The following DPP6 variants were observed in gnomAD, a reference collection of about 807,000 sequenced individuals.
DPP6 encodes dipeptidyl peptidase like 6, also known as A-type potassium channel modulatory protein DPP6.
In DPP6, 69 loss-of-function variants were observed where a neutral mutation model predicts 122.6. The observed-to-expected ratio is 0.56, with a 90% CI of 0.46 to 0.69. DPP6 has a LOEUF of 0.69. DPP6 is among the 30% of genes least tolerant of loss of function. DPP6 has a pLI of 0.00. For missense variants in DPP6, 928 were observed against 1,116.9 expected (o/e 0.83, Z 2.41); for synonymous variants, 418 against 433.1 (o/e 0.97, Z 0.43).
the DPP6 span, among the ~76,000 whole-genome samples, chr7:153,829,561 A>ACTT: frequency 6.6e-6 from 1 of 152,188 alleles, no homozygotes; most frequent in Admixed American, 6.5e-5. Flanking sequence ...TTGGCACTTT[A>ACTT]AGATTTCTGT....
At chr7:154,632,416 TTTGA>T (rs1185145151) in intron 5 of DPP6, among the ~76,000 whole-genome samples, 2 of 152,098 alleles carry the variant, frequency 1.3e-5, no homozygotes, top group Admixed American at 6.6e-5. Context: ...TTGGGCGCTA[TTTGA>T]TTGAATTGGA....
At chr7:153,932,397 A>C (rs1345652944) in intron 1 of DPP6, among the ~76,000 whole-genome samples, 3 of 152,134 alleles carry the variant, frequency 2.0e-5, no homozygotes. Context: ...TGCTGGGATT[A>C]CAGGTGTAGG....
Position 154,577,314 on chromosome 7 carries a change from C to A in DPP6, c.627+10398C>A, listed in dbSNP as rs985760893. Among the ~76,000 whole-genome samples, 808 of 152,138 alleles carry A rather than the reference C, an allele frequency of 5.3e-3. 6 individuals are homozygous for A. The highest frequency in any genetic ancestry group is 0.017 in the Middle Eastern group (5 of 294). ...AGAGCCTGCATGGAAGAGAGGAAGCCGAGACCCCTGAGAGCCAGGCCTGTG... is the reference window on the plus strand; with the variant it reads ...AGAGCCTGCATGGAAGAGAGGAAGCAGAGACCCCTGAGAGCCAGGCCTGTG... On this transcript the variant is annotated intron_variant, in intron 5 of 25. Coordinates refer to ENST00000377770, the MANE Select transcript of DPP6 (RefSeq NM_130797.4).
At chr7:154,304,565 G>T (rs1489089222) in intron 1 of DPP6, among the ~76,000 whole-genome samples, 1 of 149,440 alleles carries the variant, frequency 6.7e-6, no homozygotes, top group Non-Finnish European at 1.5e-5. Context: ...AGGCTGGAAT[G>T]TTTTTTTTTT....
intron 10 of DPP6, among the ~76,000 whole-genome samples, chr7:154,776,618 G>A (rs1796589190): frequency 6.6e-6 from 1 of 152,134 alleles, no homozygotes; most frequent in Non-Finnish European, 1.5e-5. Context: ...CTGCAGCAGG[G>A]CTCTGGAACC....
intron 7 of DPP6, among the ~76,000 whole-genome samples, chr7:154,678,071 A>C (rs1249943236): frequency 1.3e-5 from 2 of 152,116 alleles, no homozygotes; most frequent in East Asian, 3.9e-4. Context: ...ACTGATCAGC[A>C]CTCTGTAAAT....
chr7:154,078,266 C>T (rs937555089), intron 1 of DPP6, among the ~76,000 whole-genome samples: 9 of 151,738 alleles, frequency 5.9e-5, no homozygotes, highest in Non-Finnish European at 1.3e-4. Context: ...CTGAAAAAAG[C>T]ACAGAAAAGG....
intron 7 of DPP6, among the ~76,000 whole-genome samples, chr7:154,726,022 A>C (rs1586964355): frequency 6.6e-6 from 1 of 152,216 alleles, no homozygotes; most frequent in Non-Finnish European, 1.5e-5. Flanking sequence ...TATCCAGTGC[A>C]TGCTGATACA....
At chr7:154,135,472 T>C (rs1415116014) in intron 1 of DPP6, among the ~76,000 whole-genome samples, 1 of 152,132 alleles carries the variant, frequency 6.6e-6, no homozygotes, top group African/African-American at 2.4e-5. Context: ...GTACTTCCTG[T>C]GAGCATACAC....
At chr7:154,087,169 G>A (rs1351156637) in intron 1 of DPP6, among the ~76,000 whole-genome samples, 7 of 151,888 alleles carry the variant, frequency 4.6e-5, no homozygotes, top group East Asian at 1.9e-4. Flanking sequence ...GCCCGAATGA[G>A]GCTGTGGGAC....
In DPP6 at chr7:154,540,610, T is replaced by C. The variant is rs1292235354; in HGVS notation, c.536T>C (p.Ile179Thr). The C allele has an allele frequency of 3.8e-6, 6 of 1,585,086 alleles. No individual in the cohort carries two copies. In the East Asian group the frequency reaches 9.0e-5, roughly 24 times the overall value. The change falls in exon 4 of 26, where the codon ATA becomes ACA. Residue 179 changes from isoleucine to threonine, a missense_variant. By Grantham distance (89) the Ile-to-Thr change is moderately conservative (BLOSUM62 -1). Transcript: ENST00000377770. Reference protein sequence around the residue: ...NVETNTSTVLIEGKKIESLRA... With the variant: ...NVETNTSTVLTEGKKIESLRA... ...GAAACAAATACTTCTACTGTCTTAA[T>C]AGAAGGCAAAAAAATTGTAAGTACT...
At chr7:154,441,578 G>C (rs906718642) in intron 1 of DPP6, among the ~76,000 whole-genome samples, 6 of 152,114 alleles carry the variant, frequency 3.9e-5, no homozygotes, top group Non-Finnish European at 8.8e-5. Context: ...AGCAAGCAAG[G>C]CAAATCCATG....
At chr7:154,583,159 T>C (rs1465610552) in intron 5 of DPP6, among the ~76,000 whole-genome samples, 3 of 152,234 alleles carry the variant, frequency 2.0e-5, no homozygotes, top group African/African-American at 7.2e-5. Context: ...TGTTTTAGGC[T>C]GCCTGGGCTG....
the DPP6 span, among the ~76,000 whole-genome samples, chr7:153,766,501 C>T: frequency 9.2e-5 from 14 of 152,194 alleles, no homozygotes; most frequent in African/African-American, 3.1e-4. Context: ...CTGGAACAAA[C>T]AATAGAACCT....
intron 5 of DPP6, among the ~76,000 whole-genome samples, chr7:154,568,702 G>A (rs746016091): frequency 2.0e-5 from 3 of 152,188 alleles, no homozygotes; most frequent in Non-Finnish European, 4.4e-5. Flanking sequence ...AGCACTGGCT[G>A]TAAACAGGAA....
At chr7:154,665,852 C>A (rs1185581641) in intron 6 of DPP6, among the ~76,000 whole-genome samples, 1 of 151,812 alleles carries the variant, frequency 6.6e-6, no homozygotes, top group Non-Finnish European at 1.5e-5. Context: ...TTCCTTATAA[C>A]GTTTTTTTTC....
intron 5 of DPP6, among the ~76,000 whole-genome samples, chr7:154,574,440 ATGTG>A (rs1243341066): frequency 3.0e-5 from 2 of 66,428 alleles, no homozygotes; most frequent in African/African-American, 1.2e-4. Flanking sequence ...GTGTGTGTGT[ATGTG>A]TGTGGTGTGT....
intron 1 of DPP6, among the ~76,000 whole-genome samples, chr7:154,168,645 T>C (rs752218073): frequency 5.9e-5 from 9 of 152,314 alleles, no homozygotes; most frequent in Admixed American, 1.3e-4. Context: ...TTGAGGTCTT[T>C]AAAGTCAACA....
intron 16 of DPP6, among the ~76,000 whole-genome samples, chr7:154,843,730 T>TCCTGCAG (rs1388403568): frequency 6.6e-6 from 1 of 152,214 alleles, no homozygotes; most frequent in East Asian, 1.9e-4. Context: ...CAAGCCTGTA[T>TCCTGCAG]CCTGCAGTTG....
Sources: gnomAD v4.1 joint callset for allele counts (sites outside exome capture counted in the v4.1 genomes callset) on GRCh38, gnomAD v4.1.1 for gene constraint, MANE v1.5 for transcripts, NCBI Gene and HGNC (gene_info 2026-07-23, HGNC 2026-07-21) for gene names.